Variants in ERICH6 observed in about 807,000 individuals in gnomAD.
ERICH6 encodes glutamate rich 6, also known as glutamate-rich protein 6.
ERICH6 carries 71 observed loss-of-function variants against 71.0 expected under a neutral mutation model. That is an observed-to-expected ratio of 1.00 (90% CI 0.83 to 1.22). The LOEUF is 1.22. Ranked by LOEUF, ERICH6 falls within the 50% of genes most tolerant of loss-of-function variation. The probability of loss-of-function intolerance (pLI) is 0.00; values close to 1 mark genes in which losing one functional copy is unlikely to be tolerated. For missense variants in ERICH6, 808 were observed against 797.2 expected, an observed-to-expected ratio of 1.01 and a Z score of -0.16; for synonymous variants, 262 against 278.4, an observed-to-expected ratio of 0.94 and a Z score of 0.59.
intron 3 of ERICH6, among the ~76,000 whole-genome samples, chr3:150,688,304 G>T (rs1202336501): frequency 6.6e-6 from 1 of 151,990 alleles, no homozygotes; most frequent in Non-Finnish European, 1.5e-5. Flanking sequence ...TACATTATTT[G>T]TTATAGGGAA....
chr3:150,680,223 A>G (rs1711845240), intron 9 of ERICH6, among the ~76,000 whole-genome samples: 1 of 152,192 alleles, frequency 6.6e-6, no homozygotes, highest in African/African-American at 2.4e-5. Context: ...AAAATTTTTC[A>G]ATACTACTAC....
chr3:150,685,897 A>T, intron 5 of ERICH6, 39 bp from the exon 6 acceptor site: 1 of 1,608,292 alleles, frequency 6.2e-7, no homozygotes, highest in African/African-American at 1.3e-5. Flanking sequence ...AGGGGAAATA[A>T]TTGAAGATTT....
intron 13 of ERICH6, 29 bp from the exon 14 acceptor site, chr3:150,660,184 C>T: frequency 1.9e-6 from 3 of 1,603,326 alleles, no homozygotes; most frequent in Non-Finnish European, 2.6e-6. Flanking sequence ...GAGAAGGAAA[C>T]TCAGAGTCCA....
At chr3:150,703,474 A>AG (rs751580982) in intron 1 of ERICH6, 22 bp downstream of exon 1, 70 of 1,549,846 alleles carry the variant, frequency 4.5e-5, no homozygotes, top group Admixed American at 2.2e-4. Flanking sequence ...CCCTCGAGGA[A>AG]GGGGTGGGTC....
chr3:150,672,255 T>TTATATATATATATATATATATA (rs929327217), intron 11 of ERICH6, among the ~76,000 whole-genome samples: 1 of 82,120 alleles, frequency 1.2e-5, no homozygotes, highest in African/African-American at 6.0e-5. Flanking sequence ...AAGAATCCAT[T>TTATATATATATATATATATATA]TATATATACA....
chr3:150,702,561 C>A (rs975802028), intron 1 of ERICH6, among the ~76,000 whole-genome samples: 3 of 152,194 alleles, frequency 2.0e-5, no homozygotes, highest in African/African-American at 7.2e-5. Context: ...CAGGCGTGAG[C>A]CACCGCGCCC....
rs1206640160 is a variant in ERICH6 at position 150,687,402 on chromosome 3, AG to A, written c.554-1049del. ...CACAGAAGATAAAACTGTAGATAAG[AG>A]GGGACTATTATGCTACACAGATCAA... On this transcript the variant is annotated intron_variant, in intron 3 of 13. Transcript: ENST00000295910. Among the ~76,000 whole-genome samples, 4 of 152,330 alleles carry A rather than the reference AG, an allele frequency of 2.6e-5. No homozygotes were observed. In the Middle Eastern group the frequency reaches 0.01, roughly 389 times the overall value.
chr3:150,684,752 ATTCACC>A (rs1172391952), intron 6 of ERICH6, among the ~76,000 whole-genome samples: 4 of 151,966 alleles, frequency 2.6e-5, no homozygotes, highest in Non-Finnish European at 5.9e-5. Context: ...TATAGCAAAT[ATTCACC>A]CATGTTTCCA....
chr3:150,674,074 T>G, intron 10 of ERICH6, 33 bp from the exon 11 acceptor site: 1 of 1,579,322 alleles, frequency 6.3e-7, no homozygotes, highest in South Asian at 1.1e-5. Flanking sequence ...GACACTTAAT[T>G]GTTTCGGACA....
rs765793669 is a variant in ERICH6, at chr3:150,702,088, CA to C, written c.461+32del. The C allele has an allele frequency of 1.3e-5, 18 of 1,416,348 alleles. No individual in the cohort carries two copies. The South Asian group carries it at 1.5e-4, about 12-fold the overall frequency. 87.7% of individuals were successfully genotyped at this position (1,416,348 alleles called of 1,614,324 possible). On this transcript the variant is annotated intron_variant, in intron 2 of 13. Coordinates refer to ENST00000295910, the MANE Select transcript of ERICH6 (RefSeq NM_152394.5). ...TCCAAAAGGTAAACATTATTGGGTTCAAAAAATGTGAAATTTGAAAACATTT... is the reference window on the plus strand; with the variant it reads ...TCCAAAAGGTAAACATTATTGGGTTCAAAAATGTGAAATTTGAAAACATTT...
chr3:150,696,254 G>GA (rs5853489), intron 3 of ERICH6, among the ~76,000 whole-genome samples: 92,183 of 151,764 alleles, frequency 0.61, 29,119 homozygotes, highest in Non-Finnish European at 0.7. Flanking sequence ...AAATTTGGGG[G>GA]AAAAGGATGG....
At chr3:150,664,860 A>T (rs1217042261) in intron 13 of ERICH6, among the ~76,000 whole-genome samples, 6 of 148,338 alleles carry the variant, frequency 4.0e-5, no homozygotes, top group Admixed American at 6.7e-5. Flanking sequence ...GCTTGTAATT[A>T]AAAAAAAAAC....
chr3:150,667,019 G>C lies in ERICH6; in HGVS notation c.1500-4C>G, dbSNP rs766673565. 222 of 1,610,084 alleles carry C rather than the reference G, an allele frequency of 1.4e-4. No individual in the cohort carries two copies. The highest frequency in any genetic ancestry group is 2.2e-4 in the Admixed American group (13 of 59,504). ...TCCCAAGATATTGATGTATACCCTG[G>C]TCAGGAAGGAAATGTAAATATCATA... On this transcript the variant is annotated splice_region_variant and splice_polypyrimidine_tract_variant and intron_variant, in intron 12 of 13. Coordinates refer to ENST00000295910, the MANE Select transcript of ERICH6 (RefSeq NM_152394.5).
rs143369341 is a variant in ERICH6 at position 150,672,992 on chromosome 3, T to C, written c.1343+964A>G. On this transcript the variant is annotated intron_variant, in intron 11 of 13. Transcript: ENST00000295910. Reference sequence around the variant, plus strand: ...GTGGGTCATAATTGTGCCACTGCACTCTAACCCGGGCCTCACAGTGAGACC... The same window carrying C: ...GTGGGTCATAATTGTGCCACTGCACCCTAACCCGGGCCTCACAGTGAGACC... Among the ~76,000 whole-genome samples, 556 of 152,218 alleles carry C rather than the reference T, an allele frequency of 3.7e-3. 3 individuals are homozygous for C. The highest frequency in any genetic ancestry group is 6.2e-3 in the Non-Finnish European group (422 of 68,002).
chr3:150,674,310 C>T (rs746272076), intron 10 of ERICH6, among the ~76,000 whole-genome samples: 17 of 150,890 alleles, frequency 1.1e-4, no homozygotes, highest in Admixed American at 2.0e-4. Context: ...ACTTTATACA[C>T]GTTACTAAAA....
chr3:150,682,001 C>G (rs1325922610), intron 7 of ERICH6, among the ~76,000 whole-genome samples: 1 of 151,582 alleles, frequency 6.6e-6, no homozygotes, highest in Non-Finnish European at 1.5e-5. Context: ...TTTTAGTAGA[C>G]ACAGGGTTTC....
At position 150,703,755 on chromosome 3, in the gene ERICH6, C is replaced by G; in HGVS notation, c.144G>C (p.Val48=). 1 of 1,575,916 alleles carries G rather than the reference C, an allele frequency of 6.3e-7. No individual in the cohort carries two copies. The highest frequency in any genetic ancestry group is 1.7e-4 in the Middle Eastern group (1 of 5,824). Residue 48 remains valine, a synonymous_variant, in exon 1 of 14, where the codon GTG becomes GTC. Coordinates refer to ENST00000295910, the MANE Select transcript of ERICH6 (RefSeq NM_152394.5). ...EEEVEEEEEE[V]EEEEEEVVEE... is the part of the protein sequence containing the mutation. The stretch of plus-strand genomic sequence containing the variant: ...CCACCACCTCCTCCTCCTCCTCCTC[C>G]ACCTCTTCCTCCTCCTCCTCCACCT...
intron 13 of ERICH6, among the ~76,000 whole-genome samples, chr3:150,666,549 A>C (rs1199629573): frequency 6.6e-6 from 1 of 152,134 alleles, no homozygotes; most frequent in Non-Finnish European, 1.5e-5. Context: ...CAGAGCAAAC[A>C]CTCAATAAGT....
At chr3:150,660,191 T>G (rs1727161019) in intron 13 of ERICH6, 36 bp from the exon 14 acceptor site, 14 of 1,597,680 alleles carry the variant, frequency 8.8e-6, no homozygotes, top group Non-Finnish European at 1.2e-5. Flanking sequence ...AAACTCAGAG[T>G]CCAGAAGTGG....
Sources: gnomAD v4.1 joint callset for allele counts (sites outside exome capture counted in the v4.1 genomes callset) on GRCh38, gnomAD v4.1.1 for gene constraint, MANE v1.5 for transcripts, NCBI Gene and HGNC (gene_info 2026-07-23, HGNC 2026-07-21) for gene names.